SRCAP: variants seen among roughly 807,000 people sequenced by gnomAD.
SRCAP encodes chromatin remodeling protein SRCAP.
Under a neutral mutation model 263.1 loss-of-function variants are expected in SRCAP, and 46 were observed. The ratio of observed to expected loss-of-function variants is 0.17; its 90% CI spans 0.14 to 0.22. The LOEUF (loss-of-function observed/expected upper bound fraction) is 0.22. Among genes scored for constraint, SRCAP ranks in the 10% least tolerant of loss-of-function variants. The pLI is 1.00. For missense variants in SRCAP, 3,695 were observed against 4,181.9 expected (o/e 0.88, Z 3.21); for synonymous variants, 1,813 against 1,662.1 (o/e 1.09, Z -2.21).
At chr16:30,713,830 T>G (rs1596648846) in intron 16 of SRCAP, 119 bp downstream of exon 16, 5 of 884,282 alleles carry the variant, frequency 5.7e-6, no homozygotes, top group Non-Finnish European at 7.0e-6. Context: ...TAAACTCCTT[T>G]GTCAAGCTGC....
At chr16:30,712,544 C>T (rs961388224) in intron 13 of SRCAP, 105 bp downstream of exon 13, 7 of 1,515,814 alleles carry the variant, frequency 4.6e-6, no homozygotes, top group Non-Finnish European at 6.2e-6. Flanking sequence ...TGACTCCGGT[C>T]ATTAACTGTA....
rs757719962 is a variant in SRCAP, at chr16:30,720,943, C to T, written c.3218C>T (p.Pro1073Leu). The change falls in exon 20 of 34, where the codon CCT becomes CTT. Residue 1073 changes from proline to leucine, a missense_variant. Coordinates refer to ENST00000262518, the MANE Select transcript of SRCAP (RefSeq NM_006662.3). ...ASRPPGPVLLPPLQPNSGSLP... is the reference protein window; with the variant it reads ...ASRPPGPVLLLPLQPNSGSLP... ...CGGCCTCCTGGCCCTGTCCTCTTGC[C>T]TCCACTGCAGCCCAACAGTGGTTCT... 1.9e-6 allele frequency: 3 copies of T among 1,612,650 alleles called. No homozygotes were observed. Among genetic ancestry groups the T allele is most frequent in the Non-Finnish European group, 8.5e-7 (1 of 1,179,222 alleles).
In SRCAP at chr16:30,716,311, C is replaced by T. The variant is rs1370193993; in HGVS notation, c.2649C>T (p.Ala883=). Residue 883 remains alanine, a synonymous_variant, in exon 18 of 34, where the codon GCC becomes GCT. Coordinates refer to ENST00000262518, the MANE Select transcript of SRCAP (RefSeq NM_006662.3). ...MAQTTTKETL[A]TGHFMSVINI... ...TCCCCAGAACTAAGGAGACACTAGCCACAGGCCATTTCATGAGCGTCATCA... is the reference window on the plus strand; with the variant it reads ...TCCCCAGAACTAAGGAGACACTAGCTACAGGCCATTTCATGAGCGTCATCA... The T allele has an allele frequency of 6.2e-7, 1 of 1,614,082 alleles. No homozygotes were observed. Among genetic ancestry groups the T allele is most frequent in the Admixed American group, 1.7e-5 (1 of 60,006 alleles).
At chr16:30,726,651 G>C (rs2053067294) in intron 25 of SRCAP, among the ~76,000 whole-genome samples, 1 of 151,712 alleles carries the variant, frequency 6.6e-6, no homozygotes, top group Non-Finnish European at 1.5e-5. Context: ...CCTCGTAGCT[G>C]GGATTACAGG....
chr16:30,739,944 G>T lies in SRCAP; in HGVS notation c.*211G>T. On this transcript the variant is annotated 3_prime_UTR_variant, in exon 34 of 34. Transcript: ENST00000262518. Reference sequence around the variant, plus strand: ...GTCCCCTTCCCCTTCACCCCACGTGGCTGGGCAGTGTTAAGGGTGGCAAGA... The same window carrying T: ...GTCCCCTTCCCCTTCACCCCACGTGTCTGGGCAGTGTTAAGGGTGGCAAGA... The T allele has an allele frequency of 1.4e-6, 1 of 733,852 alleles. No individual in the cohort carries two copies. The highest frequency in any genetic ancestry group is 2.0e-6 in the Non-Finnish European group (1 of 502,848). 45.5% of individuals were successfully genotyped at this position (733,852 alleles called of 1,614,324 possible).
At chr16:30,715,859 AT>A (rs2052943523) in intron 16 of SRCAP, among the ~76,000 whole-genome samples, 1 of 152,096 alleles carries the variant, frequency 6.6e-6, no homozygotes, top group African/African-American at 2.4e-5. Flanking sequence ...GTGCTTCCTT[AT>A]ATCACTTCCT....
intron 3 of SRCAP, among the ~76,000 whole-genome samples, chr16:30,702,551 T>C (rs2052777840): frequency 7.8e-6 from 1 of 128,566 alleles, no homozygotes; most frequent in Non-Finnish European, 1.7e-5. Context: ...CCACCCTCCT[T>C]CCCTCCCTCC....
At chr16:30,719,681 T>G (rs565194593) in intron 18 of SRCAP, among the ~76,000 whole-genome samples, 3 of 152,096 alleles carry the variant, frequency 2.0e-5, no homozygotes, top group Admixed American at 2.0e-4. Flanking sequence ...GCCTGGCTAA[T>G]TTTTGTATTT....
At chr16:30,707,135 T>TG in intron 4 of SRCAP, 48 bp from the exon 5 acceptor site, 1 of 1,587,690 alleles carries the variant, frequency 6.3e-7, no homozygotes, top group Non-Finnish European at 8.6e-7. Context: ...GGCAGTGAGA[T>TG]GGAGTGTGTG....
In SRCAP at chr16:30,740,359, C is replaced by T. The variant is rs1256271791; in HGVS notation, c.*626C>T. 1 of 152,252 alleles carries T rather than the reference C, an allele frequency of 6.6e-6. No individual in the cohort carries two copies. The highest frequency in any genetic ancestry group is 2.4e-5 in the African/African-American group (1 of 41,428). 9.4% of individuals were successfully genotyped at this position (152,252 alleles called of 1,614,324 possible). A position where few individuals can be genotyped will look rare whatever the true frequency, so the allele number is the denominator to read the frequency against. On this transcript the variant is annotated 3_prime_UTR_variant, in exon 34 of 34. Coordinates refer to ENST00000262518, the MANE Select transcript of SRCAP (RefSeq NM_006662.3). ...GAAGTCACAGATATCCTTTTCCTCT[C>T]ATTTCTTTTCCCTCGGTTCCTAGAC...
In SRCAP at chr16:30,710,798, T is replaced by C. The variant is rs1347846367; in HGVS notation, c.1179T>C (p.Pro393=). The C allele has an allele frequency of 6.2e-7, 1 of 1,614,204 alleles. No individual in the cohort carries two copies. Among genetic ancestry groups the C allele is most frequent in the Admixed American group, 1.7e-5 (1 of 60,022 alleles). The change falls in exon 9 of 34, where the codon CCT becomes CCC. Residue 393 remains proline, a synonymous_variant. Coordinates refer to ENST00000262518, the MANE Select transcript of SRCAP (RefSeq NM_006662.3). ...CTGTCACACAGCGCAACAAACAGCC[T>C]TGGCATCCAGATGAAGATGATGAAG... ...PSAVTQRNKQ[P]WHPDEDDEEF...
At chr16:30,712,647 T>A (rs767973971) in intron 13 of SRCAP, 32 bp from the exon 14 acceptor site, 6 of 1,613,562 alleles carry the variant, frequency 3.7e-6, no homozygotes, top group Non-Finnish European at 5.1e-6. Context: ...AATTTACATT[T>A]CCTTACCATC....
chr16:30,711,697 C>G lies in SRCAP; in HGVS notation c.1445C>G (p.Pro482Arg), dbSNP rs930810190. Residue 482 changes from proline (P) to arginine (R), a missense_variant, in exon 11 of 34, where the codon CCC (proline) becomes CGC (arginine). Pro to Arg is a moderately radical substitution (Grantham distance 103). This residue lies in a region of SRCAP where 288 missense variants were observed against 302.4 expected (regional missense o/e 0.95). Transcript: ENST00000262518. ...AGCTCTGACTGTGAACCAGAGGGGC[C>G]CGTGGAAGCGGAAGAGCCTCCTCAG... ...ANSSDCEPEG[P>R]VEAEEPPQED... The G allele has an allele frequency of 1.2e-6, 2 of 1,613,840 alleles. No homozygotes were observed. The highest frequency in any genetic ancestry group is 1.7e-6 in the Non-Finnish European group (2 of 1,179,938).
rs2053089399 is a variant in SRCAP, at chr16:30,729,086, AC to A, written c.5782del (p.Leu1928CysfsTer39). ...VYGTEVLDFC[T>X]LPQPVASPIG... ...TGGGACTGAAGTCCTGGATTTCTGT[AC>A]CCTGCCCCAACCTGTTGCCAGCCCC... On this transcript the variant is annotated frameshift_variant, in exon 26 of 34. Coordinates refer to ENST00000262518, the MANE Select transcript of SRCAP (RefSeq NM_006662.3). LOFTEE classifies it high-confidence loss of function. The A allele has an allele frequency of 6.2e-7, 1 of 1,613,964 alleles. No individual in the cohort carries two copies. The highest frequency in any genetic ancestry group is 8.5e-7 in the Non-Finnish European group (1 of 1,180,030).
intron 3 of SRCAP, among the ~76,000 whole-genome samples, chr16:30,702,711 A>G (rs532059594): frequency 1.4e-5 from 2 of 147,862 alleles, no homozygotes; most frequent in East Asian, 2.1e-4. Flanking sequence ...GGTTCAAGCA[A>G]TTCTCTGCCT....
At position 30,739,784 on chromosome 16, in the gene SRCAP, C is replaced by T. The variant is rs1054394963; in HGVS notation, c.*51C>T. 18 of 1,448,018 alleles carry T rather than the reference C, an allele frequency of 1.2e-5. No individual in the cohort carries two copies. Among genetic ancestry groups the T allele is most frequent in the Admixed American group, 2.9e-5 (1 of 34,886 alleles). The allele number at this position is 1,448,018 out of a possible 1,614,324, so 89.7% of individuals were successfully genotyped here. On this transcript the variant is annotated 3_prime_UTR_variant, in exon 34 of 34. Transcript: ENST00000262518. ...TCCACCGTGGCCACTCCCTCCATGACCAGGCCTGACTCTGTTAACCACTAC... is the reference window on the plus strand; with the variant it reads ...TCCACCGTGGCCACTCCCTCCATGATCAGGCCTGACTCTGTTAACCACTAC...
Position 30,740,042 on chromosome 16 carries a change from G to T in SRCAP, c.*309G>T. On this transcript the variant is annotated 3_prime_UTR_variant, in exon 34 of 34. Coordinates refer to ENST00000262518, the MANE Select transcript of SRCAP (RefSeq NM_006662.3). ...ACACAGCCCCCCACCCTTAGGGGAAGGGGGAGGGGCTTCTCTACAATGAGG... is the reference window on the plus strand; with the variant it reads ...ACACAGCCCCCCACCCTTAGGGGAATGGGGAGGGGCTTCTCTACAATGAGG... 1 of 291,834 alleles carries T rather than the reference G, an allele frequency of 3.4e-6. No individual in the cohort carries two copies. The allele number at this position is 291,834 out of a possible 1,614,324, so 18.1% of individuals were successfully genotyped here. A position where few individuals can be genotyped will look rare whatever the true frequency, so the allele number is the denominator to read the frequency against.
chr16:30,728,927 G>C (rs766583977), intron 25 of SRCAP, 39 bp from the exon 26 acceptor site: 55 of 1,582,016 alleles, frequency 3.5e-5, no homozygotes, highest in Non-Finnish European at 4.7e-5. Context: ...TGTGGACTCT[G>C]AGGGTGCTGA....
In SRCAP at chr16:30,737,480, T is replaced by C; in HGVS notation, c.7440T>C (p.His2480=). 6.3e-7 allele frequency: 1 copy of C among 1,592,300 alleles called. No individual in the cohort carries two copies. The highest frequency in any genetic ancestry group is 8.6e-7 in the Non-Finnish European group (1 of 1,162,866). ...APNPITILPV[H]ILPSPPPPSQ... Reference sequence around the variant, plus strand: ...ATCCAATAACCATTCTCCCTGTCCATATCTTGCCTTCTCCTCCCCCTCCTT... The same window carrying C: ...ATCCAATAACCATTCTCCCTGTCCACATCTTGCCTTCTCCTCCCCCTCCTT... The change falls in exon 34 of 34, where the codon CAT becomes CAC. Residue 2480 remains histidine, a synonymous_variant. Coordinates refer to ENST00000262518, the MANE Select transcript of SRCAP (RefSeq NM_006662.3).
Sources: gnomAD v4.1 joint callset for allele counts (sites outside exome capture counted in the v4.1 genomes callset) on GRCh38, gnomAD v4.1.1 for gene constraint, gnomAD v4.1.1 regional missense constraint, MANE v1.5 for transcripts, NCBI Gene and HGNC (gene_info 2026-07-23, HGNC 2026-07-21) for gene names.